MAGI1: variants seen among roughly 807,000 people sequenced by gnomAD.
MAGI1 encodes membrane-associated guanylate kinase, WW and PDZ domain-containing protein 1.
Under a neutral mutation model 139.9 loss-of-function variants are expected in MAGI1, and 58 were observed. The observed-to-expected ratio is 0.41, with a 90% CI of 0.34 to 0.52. The LOEUF is 0.52. MAGI1 is among the 20% of genes least tolerant of loss of function. MAGI1 has a pLI of 0.12. For synonymous variants in MAGI1, 812 were observed against 737.9 expected (o/e 1.10, Z -1.63); for missense variants, 1,874 against 1,901.6 (o/e 0.99, Z 0.27).
At chr3:65,651,314 G>C (rs1257643543) in intron 1 of MAGI1, among the ~76,000 whole-genome samples, 1 of 152,130 alleles carries the variant, frequency 6.6e-6, no homozygotes, top group Non-Finnish European at 1.5e-5. Context: ...CATTGCTCCA[G>C]ATAATTATCT....
At chr3:65,610,069 T>G (rs1199790033) in intron 2 of MAGI1, 2 of 49,226 alleles carry the variant, frequency 4.1e-5, no homozygotes, top group Admixed American at 3.4e-4. Flanking sequence ...CAACAACATT[T>G]TTTTTTTACC....
At chr3:65,498,287 A>G (rs200570143) in intron 2 of MAGI1, among the ~76,000 whole-genome samples, 1 of 123,138 alleles carries the variant, frequency 8.1e-6, no homozygotes. Context: ...ATAAAAAAAA[A>G]GAAAAAAAAA....
chr3:65,441,114 C>A (rs953975027), intron 8 of MAGI1, among the ~76,000 whole-genome samples: 1 of 151,942 alleles, frequency 6.6e-6, no homozygotes, highest in African/African-American at 2.4e-5. Context: ...GCGTGCATCA[C>A]CATACCCGGC....
chr3:65,882,343 A>T (rs2060360426), intron 1 of MAGI1, among the ~76,000 whole-genome samples: 1 of 152,240 alleles, frequency 6.6e-6, no homozygotes, highest in Admixed American at 6.5e-5. Flanking sequence ...GAAGGTAGGA[A>T]ATCAAAATAA....
chr3:65,542,486 A>G (rs1235399067), intron 2 of MAGI1, among the ~76,000 whole-genome samples: 1 of 152,186 alleles, frequency 6.6e-6, no homozygotes, highest in Non-Finnish European at 1.5e-5. Flanking sequence ...GAGGCATGAC[A>G]CTACCTGACT....
intron 1 of MAGI1, among the ~76,000 whole-genome samples, chr3:65,880,598 T>C (rs942909032): frequency 6.6e-6 from 1 of 152,112 alleles, no homozygotes; most frequent in African/African-American, 2.4e-5. Context: ...AGAATCAGCA[T>C]ATGAAATGGC....
chr3:65,610,518 A>T (rs1376503906), intron 2 of MAGI1, among the ~76,000 whole-genome samples: 3 of 151,780 alleles, frequency 2.0e-5, no homozygotes, highest in Non-Finnish European at 2.9e-5. Flanking sequence ...ACTGAAACAG[A>T]TATATCTTTT....
chr3:65,700,539 C>A (rs1255332176), intron 1 of MAGI1, among the ~76,000 whole-genome samples: 1 of 152,070 alleles, frequency 6.6e-6, no homozygotes, highest in East Asian at 1.9e-4. Context: ...AGTAATCATA[C>A]ATGAATTGAT....
At chr3:65,437,293 C>G (rs188469349) in intron 9 of MAGI1, 46 bp from the exon 10 acceptor site, 3 of 1,208,240 alleles carry the variant, frequency 2.5e-6, no homozygotes, top group African/African-American at 3.0e-5. Context: ...TCAAATGGCT[C>G]ATTGAGTTAC....
Position 65,819,875 on chromosome 3 carries a change from C to CAAAAAAAAAAAAAAAAAAAA in MAGI1, c.314-197807_314-197788dup, listed in dbSNP as rs3077818. Among the ~76,000 whole-genome samples, 200 of 33,440 alleles carry CAAAAAAAAAAAAAAAAAAAA rather than the reference C, an allele frequency of 6.0e-3. 29 individuals carry two copies. Among genetic ancestry groups the CAAAAAAAAAAAAAAAAAAAA allele is most frequent in the East Asian group, 0.015 (17 of 1,116 alleles). The allele number at this position is 33,440 out of a possible 152,430, so 21.9% of individuals were successfully genotyped here. A position where few individuals can be genotyped will look rare whatever the true frequency, so the allele number is the denominator to read the frequency against. On this transcript the variant is annotated intron_variant, in intron 1 of 22. Transcript: ENST00000402939. ...CTAGCCACAGAGCAAGACTCCATCT[C>CAAAAAAAAAAAAAAAAAAAA]AAAAAAAAAAAAAAAAAAAAAAGGA...
intron 13 of MAGI1, among the ~76,000 whole-genome samples, chr3:65,400,750 A>ATTTTTTTTTTTTTTTTTT (rs767598706): frequency 3.3e-5 from 2 of 60,600 alleles, no homozygotes; most frequent in African/African-American, 6.7e-5. Flanking sequence ...CAAAACATTG[A>ATTTTTTTTTTTTTTTTTT]TTTTTTTTTT....
rs1418759557 is a variant in MAGI1 at position 65,383,593 on chromosome 3, A to G, written c.2447T>C (p.Leu816Pro). 1 of 1,613,698 alleles carries G rather than the reference A, an allele frequency of 6.2e-7. No individual in the cohort carries two copies. The highest frequency in any genetic ancestry group is 8.5e-7 in the Non-Finnish European group (1 of 1,179,706). ...TCCAAATCCAGTCTCTTTTCTCCAGAGGAAGATGTCCTGTTCCTGGTAATC... is the reference window on the plus strand; with the variant it reads ...TCCAAATCCAGTCTCTTTTCTCCAGGGGAAGATGTCCTGTTCCTGGTAATC... ...LPDYQEQDIF[L>P]WRKETGFGFR... The change falls in exon 15 of 23, where the codon CTC becomes CCC. Residue 816 changes from leucine (L) to proline (P), a missense_variant. Leu to Pro is a moderately conservative substitution (Grantham distance 98). Around this residue, in one of 5 missense-constraint regions of MAGI1, gnomAD observed 482 missense variants for 509.6 expected, o/e 0.95. Transcript: ENST00000402939.
chr3:65,381,482 G>A (rs1943049013), intron 16 of MAGI1, among the ~76,000 whole-genome samples: 1 of 151,996 alleles, frequency 6.6e-6, no homozygotes, highest in African/African-American at 2.4e-5. Flanking sequence ...TTTTTTATGA[G>A]CTTATTTTGT....
intron 2 of MAGI1, among the ~76,000 whole-genome samples, chr3:65,608,663 T>C (rs2082874684): frequency 6.6e-6 from 1 of 152,134 alleles, no homozygotes; most frequent in Non-Finnish European, 1.5e-5. Context: ...GAGAAGCAAC[T>C]GGAACTCTTA....
At chr3:65,568,351 T>C (rs2080776600) in intron 2 of MAGI1, among the ~76,000 whole-genome samples, 1 of 152,168 alleles carries the variant, frequency 6.6e-6, no homozygotes, top group African/African-American at 2.4e-5. Flanking sequence ...TAGAAAGCCC[T>C]TGTTATATCC....
intron 1 of MAGI1, among the ~76,000 whole-genome samples, chr3:65,886,674 G>A (rs1183450828): frequency 6.6e-6 from 1 of 152,180 alleles, no homozygotes; most frequent in Non-Finnish European, 1.5e-5. Flanking sequence ...TCTCTATAAT[G>A]ACAGAGCAAT....
intron 1 of MAGI1, among the ~76,000 whole-genome samples, chr3:65,675,273 A>T (rs1487540314): frequency 1.3e-5 from 2 of 152,330 alleles, no homozygotes; most frequent in East Asian, 1.9e-4. Flanking sequence ...ACAGCAACAT[A>T]TCAGCCTTAA....
intron 18 of MAGI1, among the ~76,000 whole-genome samples, chr3:65,368,278 G>T (rs893517403): frequency 2.0e-5 from 3 of 152,184 alleles, no homozygotes; most frequent in African/African-American, 7.2e-5. Context: ...CACATGGACA[G>T]ATTAGGTACT....
intron 1 of MAGI1, among the ~76,000 whole-genome samples, chr3:65,802,758 T>G (rs1296015673): frequency 5.9e-5 from 9 of 152,062 alleles, no homozygotes; most frequent in Non-Finnish European, 8.8e-5. Context: ...AATGCCTAGT[T>G]TCCTGCCTCA....
Sources: gnomAD v4.1 joint callset for allele counts (sites outside exome capture counted in the v4.1 genomes callset) on GRCh38, gnomAD v4.1.1 for gene constraint, gnomAD v4.1.1 regional missense constraint, MANE v1.5 for transcripts, NCBI Gene and HGNC (gene_info 2026-07-23, HGNC 2026-07-21) for gene names.